Variants in PTPRT observed in about 807,000 individuals in gnomAD.
The protein encoded by PTPRT is protein tyrosine phosphatase receptor type T.
PTPRT carries 56 observed loss-of-function variants against 176.8 expected under a neutral mutation model. The ratio of observed to expected loss-of-function variants is 0.32; its 90% CI spans 0.26 to 0.40. The LOEUF is 0.40. PTPRT is among the 10% of genes least tolerant of loss of function. PTPRT has a pLI of 1.00. For missense variants in PTPRT, 1,540 were observed against 1,908.2 expected (o/e 0.81, Z 3.60); for synonymous variants, 783 against 739.0 (o/e 1.06, Z -0.96).
chr20:42,084,902 C>A, intron 28 of PTPRT, 57 bp from the exon 29 acceptor site: 4 of 1,324,750 alleles, frequency 3.0e-6, no homozygotes, highest in Non-Finnish European at 2.9e-6. Context: ...GTACATGCAC[C>A]TTGCAGATAC....
intron 1 of PTPRT, among the ~76,000 whole-genome samples, chr20:42,913,372 G>A (rs2145937204): frequency 6.6e-6 from 1 of 152,196 alleles, no homozygotes; most frequent in East Asian, 1.9e-4. Flanking sequence ...GGCAATATTT[G>A]GCATTCCCTG....
At chr20:42,295,043 A>G (rs1052903953) in intron 12 of PTPRT, among the ~76,000 whole-genome samples, 1 of 152,162 alleles carries the variant, frequency 6.6e-6, no homozygotes, top group East Asian at 1.9e-4. Context: ...GAGACAAAAT[A>G]GGTAGGTAAA....
At chr20:42,998,794 T>C (rs1984367662) in intron 1 of PTPRT, among the ~76,000 whole-genome samples, 1 of 152,050 alleles carries the variant, frequency 6.6e-6, no homozygotes, top group African/African-American at 2.4e-5. Flanking sequence ...TTGAGGAAAA[T>C]AAAGCTAAGA....
chr20:42,622,343 G>A (rs1323906812), intron 7 of PTPRT, among the ~76,000 whole-genome samples: 2 of 151,932 alleles, frequency 1.3e-5, no homozygotes, highest in Non-Finnish European at 2.9e-5. Context: ...CTGGGTTCAT[G>A]CCATTCTCCT....
At chr20:43,080,173 G>A (rs1262801980) in intron 1 of PTPRT, among the ~76,000 whole-genome samples, 2 of 152,140 alleles carry the variant, frequency 1.3e-5, no homozygotes, top group African/African-American at 4.8e-5. Flanking sequence ...ACTATGAAAG[G>A]AGGTGACATA....
At chr20:42,639,595 A>G (rs1054792711) in intron 7 of PTPRT, among the ~76,000 whole-genome samples, 1 of 152,104 alleles carries the variant, frequency 6.6e-6, no homozygotes, top group Non-Finnish European at 1.5e-5. Flanking sequence ...TTCACTAAAA[A>G]GCACCCAGAG....
intron 7 of PTPRT, among the ~76,000 whole-genome samples, chr20:42,607,179 G>T (rs1429248508): frequency 6.6e-6 from 1 of 152,130 alleles, no homozygotes; most frequent in African/African-American, 2.4e-5. Context: ...TGGCTACCAG[G>T]GGGTGGGAGA....
At chr20:42,214,338 AACTC>A (rs2055717257) in intron 15 of PTPRT, among the ~76,000 whole-genome samples, 1 of 152,128 alleles carries the variant, frequency 6.6e-6, no homozygotes, top group South Asian at 2.1e-4. Context: ...GCGGCCAGAA[AACTC>A]ACTCACAACC....
chr20:42,610,191 A>G (rs144665615), intron 7 of PTPRT, among the ~76,000 whole-genome samples: 25 of 152,230 alleles, frequency 1.6e-4, no homozygotes, highest in African/African-American at 5.8e-4. Context: ...AATGGGGGGA[A>G]AAAAACCTGG....
At chr20:42,157,890 TAC>T (rs1378008780) in intron 17 of PTPRT, among the ~76,000 whole-genome samples, 1 of 152,230 alleles carries the variant, frequency 6.6e-6, no homozygotes, top group African/African-American at 2.4e-5. Flanking sequence ...CCAAGGCTAC[TAC>T]ACTGTGAAGA....
intron 1 of PTPRT, among the ~76,000 whole-genome samples, chr20:43,127,425 A>C (rs1307401306): frequency 1.4e-5 from 2 of 141,944 alleles, no homozygotes; most frequent in African/African-American, 6.1e-5. Flanking sequence ...TCCATCTCAA[A>C]AAAAAAAAAA....
intron 18 of PTPRT, among the ~76,000 whole-genome samples, chr20:42,129,078 T>A (rs1427690887): frequency 6.6e-6 from 1 of 152,170 alleles, no homozygotes; most frequent in Non-Finnish European, 1.5e-5. Flanking sequence ...ATTAGTCACC[T>A]GTTTCTTTAA....
intron 9 of PTPRT, among the ~76,000 whole-genome samples, chr20:42,391,179 C>T (rs1262692159): frequency 6.6e-6 from 1 of 152,046 alleles, no homozygotes; most frequent in Admixed American, 6.6e-5. Flanking sequence ...AAGCAAATGT[C>T]CTTTTCATTG....
chr20:42,878,937 G>T (rs1343273626), intron 2 of PTPRT, among the ~76,000 whole-genome samples: 1 of 152,148 alleles, frequency 6.6e-6, no homozygotes, highest in East Asian at 1.9e-4. Context: ...GCTGAGGCAG[G>T]AGAATGGCGT....
At chr20:42,774,660 C>T (rs1372502222) in intron 4 of PTPRT, among the ~76,000 whole-genome samples, 1 of 152,200 alleles carries the variant, frequency 6.6e-6, no homozygotes, top group East Asian at 1.9e-4. Context: ...CCAGTCTCAC[C>T]CGATCCAGCC....
chr20:42,106,195 C>T (rs1027840797), intron 24 of PTPRT, among the ~76,000 whole-genome samples: 4 of 152,172 alleles, frequency 2.6e-5, no homozygotes, highest in Admixed American at 6.5e-5. Flanking sequence ...ATGTATGCTG[C>T]CTGGCTCACA....
At chr20:42,043,786 A>G in the PTPRT span, among the ~76,000 whole-genome samples, 2 of 152,320 alleles carry the variant, frequency 1.3e-5, no homozygotes, top group South Asian at 2.1e-4. Context: ...ATGTTGGACA[A>G]TCGATTTGTT....
In PTPRT at chr20:43,085,946, T is replaced by A. The variant is rs549555252; in HGVS notation, c.88+103700A>T. ...GGGCTTGTAGGAGTTTGGAAAAGAG[T>A]TGTCTTCCCCACCCCCCCACAACTG... On this transcript the variant is annotated intron_variant, in intron 1 of 30. Transcript: ENST00000373187. Among the ~76,000 whole-genome samples the A allele has an allele frequency of 4.6e-5, 7 of 150,916 alleles. No homozygotes were observed. In the South Asian group the frequency reaches 1.5e-3, roughly 32 times the overall value.
intron 2 of PTPRT, among the ~76,000 whole-genome samples, chr20:42,860,769 T>A (rs2078647014): frequency 6.6e-6 from 1 of 152,234 alleles, no homozygotes; most frequent in African/African-American, 2.4e-5. Context: ...TTTTTCATTA[T>A]TTCTCTTGGG....
Sources: gnomAD v4.1 joint callset for allele counts (sites outside exome capture counted in the v4.1 genomes callset) on GRCh38, gnomAD v4.1.1 for gene constraint, MANE v1.5 for transcripts, NCBI Gene and HGNC (gene_info 2026-07-23, HGNC 2026-07-21) for gene names.